The following NCAM1 variants were observed in gnomAD, a reference collection of about 807,000 sequenced individuals.
The protein encoded by NCAM1 is neural cell adhesion molecule 1.
In NCAM1, 14 loss-of-function variants were observed where a neutral mutation model predicts 109.8. The observed-to-expected ratio is 0.13, with a 90% CI of 0.08 to 0.20. The LOEUF is 0.20. Among genes scored for constraint, NCAM1 ranks in the 10% least tolerant of loss-of-function variants. NCAM1 has a pLI of 1.00. For synonymous variants in NCAM1, 418 were observed against 442.9 expected (o/e 0.94, Z 0.70); for missense variants, 774 against 1,109.9 (o/e 0.70, Z 4.30).
intron 3 of NCAM1, among the ~76,000 whole-genome samples, chr11:113,204,919 C>T (rs1944190505): frequency 6.6e-6 from 1 of 152,148 alleles, no homozygotes; most frequent in African/African-American, 2.4e-5. Context: ...GTTCCTATTG[C>T]CTCTGAAACC....
chr11:113,210,657 C>A (rs1944359972), intron 7 of NCAM1, among the ~76,000 whole-genome samples: 1 of 151,812 alleles, frequency 6.6e-6, no homozygotes, highest in African/African-American at 2.4e-5. Flanking sequence ...CATGTGGGAC[C>A]GTGGTAGAGG....
intron 1 of NCAM1, among the ~76,000 whole-genome samples, chr11:113,099,964 G>A (rs1939796085): frequency 6.6e-6 from 1 of 152,194 alleles, no homozygotes. Context: ...GGGATTATAG[G>A]TGTGAACCAC....
chr11:113,073,000 A>G (rs1162998343), intron 1 of NCAM1, among the ~76,000 whole-genome samples: 5 of 152,040 alleles, frequency 3.3e-5, no homozygotes, highest in African/African-American at 2.4e-5. Flanking sequence ...CTCTATACCC[A>G]TTAAACAATG....
chr11:113,221,681 G>C (rs1270682049), intron 9 of NCAM1: 1 of 212,630 alleles, frequency 4.7e-6, no homozygotes, highest in Non-Finnish European at 9.5e-6. Context: ...TGTGGCTCTG[G>C]ACCATAAAGT....
At chr11:113,074,846 G>T (rs1565420365) in intron 1 of NCAM1, among the ~76,000 whole-genome samples, 3 of 152,232 alleles carry the variant, frequency 2.0e-5, no homozygotes, top group South Asian at 2.1e-4. Flanking sequence ...TGGCCAGGCT[G>T]GTCTCGAACT....
chr11:113,210,392 G>A (rs1326086079), intron 7 of NCAM1, among the ~76,000 whole-genome samples: 7 of 152,088 alleles, frequency 4.6e-5, no homozygotes, highest in Non-Finnish European at 1.0e-4. Context: ...GAGGCAGGTG[G>A]CTCCTAAGTC....
At chr11:112,974,625 T>C (rs1300503070) in intron 1 of NCAM1, among the ~76,000 whole-genome samples, 1 of 152,104 alleles carries the variant, frequency 6.6e-6, no homozygotes, top group Non-Finnish European at 1.5e-5. Context: ...TTTTCTTCTG[T>C]AGTCTAGACT....
rs932374226 is a variant in NCAM1, at chr11:113,028,081, G to T, written c.52+66417G>T. On this transcript the variant is annotated intron_variant, in intron 1 of 19. Transcript: ENST00000316851. ...GGGCAAGCTGGGAAAAGGTTGGTCC[G>T]CTTATATAGGAAGAATAGTTTTGGG... Among the ~76,000 whole-genome samples the T allele has an allele frequency of 3.9e-5, 6 of 152,098 alleles. No homozygotes were observed. The South Asian group carries it at 1.2e-3, about 32-fold the overall frequency.
intron 5 of NCAM1, among the ~76,000 whole-genome samples, chr11:113,206,658 T>C (rs1372491877): frequency 6.6e-6 from 1 of 152,178 alleles, no homozygotes; most frequent in Non-Finnish European, 1.5e-5. Flanking sequence ...TTACAGGAAA[T>C]TATAATGTCA....
intron 17 of NCAM1, chr11:113,264,637 C>G (rs1228954960): frequency 2.0e-6 from 2 of 985,428 alleles, no homozygotes; most frequent in African/African-American, 3.5e-5. Context: ...GGGAGTCTGC[C>G]TCCCCCTGAT....
chr11:113,146,673 TG>T (rs1555101388), intron 1 of NCAM1, among the ~76,000 whole-genome samples: 8 of 152,218 alleles, frequency 5.3e-5, no homozygotes, highest in Non-Finnish European at 2.9e-5. Flanking sequence ...TGTGAGATAC[TG>T]GGGCCAGGGC....
At chr11:113,054,672 G>C (rs951774808) in intron 1 of NCAM1, among the ~76,000 whole-genome samples, 8 of 152,286 alleles carry the variant, frequency 5.3e-5, no homozygotes, top group African/African-American at 1.9e-4. Flanking sequence ...GGGCCAAATT[G>C]ATCCAGTCTC....
Position 113,079,218 on chromosome 11 carries a change from G to A in NCAM1, c.52+117554G>A, listed in dbSNP as rs530788520. Among the ~76,000 whole-genome samples, 25 of 152,296 alleles carry A rather than the reference G, an allele frequency of 1.6e-4. 1 individual carries two copies. Among genetic ancestry groups the A allele is most frequent in the Admixed American group, 6.5e-4 (10 of 15,304 alleles). ...CATAGTGTTGATGTGTTAAGCATGC[G>A]CTCTATATTAAGCTTTTTATGTGCA... On this transcript the variant is annotated intron_variant, in intron 1 of 19. Coordinates refer to ENST00000316851, the MANE Select transcript of NCAM1 (RefSeq NM_181351.5).
At chr11:113,027,414 C>T (rs1940698) in intron 1 of NCAM1, among the ~76,000 whole-genome samples, 20,746 of 152,128 alleles carry the variant, frequency 0.14, 1,778 homozygotes, top group South Asian at 0.4. Flanking sequence ...CATGTGAAGT[C>T]CCATTATAGT....
At chr11:112,995,670 G>A (rs1426607990) in intron 1 of NCAM1, among the ~76,000 whole-genome samples, 1 of 152,168 alleles carries the variant, frequency 6.6e-6, no homozygotes, top group African/African-American at 2.4e-5. Flanking sequence ...GTGTAGTTGT[G>A]AACTGTAGCT....
intron 1 of NCAM1, among the ~76,000 whole-genome samples, chr11:113,105,515 T>C (rs1940115287): frequency 6.6e-6 from 1 of 152,180 alleles, no homozygotes; most frequent in Admixed American, 6.5e-5. Flanking sequence ...ATCAAACAAA[T>C]GTTCATCAAC....
At chr11:113,195,722 G>A (rs1555110704) in intron 1 of NCAM1, among the ~76,000 whole-genome samples, 1 of 151,594 alleles carries the variant, frequency 6.6e-6, no homozygotes, top group African/African-American at 2.4e-5. Flanking sequence ...TAGCCAGGAT[G>A]GTCTCGATCT....
intron 1 of NCAM1, among the ~76,000 whole-genome samples, chr11:113,195,958 A>G (rs1243989952): frequency 6.6e-6 from 1 of 151,362 alleles, no homozygotes; most frequent in Admixed American, 6.6e-5. Context: ...GTACTGTCAT[A>G]TGTACTGTCA....
At chr11:113,198,155 C>A (rs1555111180) in intron 1 of NCAM1, among the ~76,000 whole-genome samples, 1 of 152,118 alleles carries the variant, frequency 6.6e-6, no homozygotes, top group African/African-American at 2.4e-5. Flanking sequence ...AACTTTTTTT[C>A]TGTCTGTGAA....
Sources: gnomAD v4.1 joint callset for allele counts (sites outside exome capture counted in the v4.1 genomes callset) on GRCh38, gnomAD v4.1.1 for gene constraint, MANE v1.5 for transcripts, NCBI Gene and HGNC (gene_info 2026-07-23, HGNC 2026-07-21) for gene names.